The following COBL variants were observed in gnomAD, a reference collection of about 807,000 sequenced individuals.
The protein encoded by COBL is cordon-bleu WH2 repeat protein.
A neutral mutation model predicts 98.8 loss-of-function variants in COBL; 51 were observed. The ratio of observed to expected loss-of-function variants is 0.52; its 90% confidence interval spans 0.41 to 0.65. COBL has a LOEUF of 0.65. Ranked by LOEUF, COBL falls within the 30% of genes least tolerant of loss-of-function variation. The pLI, the probability that COBL is intolerant of heterozygous loss-of-function variation, is 0.00. For synonymous variants in COBL, 634 were observed against 651.7 expected (o/e 0.97, Z 0.41); for missense variants, 1,617 against 1,617.5 (o/e 1.00, Z 0.01).
At position 51,023,316 on chromosome 7, in the gene COBL, C is replaced by A. The variant is rs181082555; in HGVS notation, c.3768+1793G>T. 4.8e-3 allele frequency among the ~76,000 whole-genome samples: 732 copies of A among 152,068 alleles called. 1 individual carries two copies. Among genetic ancestry groups the A allele is most frequent in the Non-Finnish European group, 8.6e-3 (585 of 68,028 alleles). On this transcript the variant is annotated intron_variant, in intron 12 of 12. Transcript: ENST00000265136. The stretch of plus-strand genomic sequence containing the variant: ...AAGAGCCTTAAGTAATTTCTAATTG[C>A]CCCTATCCTGAGGAGATGGCATAAA...
At chr7:51,229,251 G>A (rs1042760008) in intron 1 of COBL, among the ~76,000 whole-genome samples, 3 of 152,228 alleles carry the variant, frequency 2.0e-5, no homozygotes, top group East Asian at 1.9e-4. Context: ...TGTGCCACCC[G>A]ATGCAGCTTT....
chr7:51,161,815 T>C (rs1786848559), intron 5 of COBL, among the ~76,000 whole-genome samples: 1 of 151,796 alleles, frequency 6.6e-6, no homozygotes, highest in Non-Finnish European at 1.5e-5. Context: ...GCCAGTTACT[T>C]TCAAAAGTTC....
intron 6 of COBL, among the ~76,000 whole-genome samples, chr7:51,129,585 A>G (rs1227195525): frequency 6.6e-6 from 1 of 152,108 alleles, no homozygotes; most frequent in Non-Finnish European, 1.5e-5. Flanking sequence ...TGTGTCAGGG[A>G]ACACAGAATT....
At position 51,028,830 on chromosome 7, in the gene COBL, C is replaced by G; in HGVS notation, c.2266G>C (p.Val756Leu). 6.2e-7 allele frequency: 1 copy of G among 1,614,250 alleles called. No individual in the cohort carries two copies. The highest frequency in any genetic ancestry group is 8.5e-7 in the Non-Finnish European group (1 of 1,180,050). The change falls in exon 10 of 13, where the codon GTG (valine) becomes CTG (leucine). Residue 756 changes from valine (V) to leucine (L), a missense_variant. This residue lies in a region of COBL where 1,304 missense variants were observed against 1,282.0 expected (regional missense o/e 1.02). Coordinates refer to ENST00000265136, the MANE Select transcript of COBL (RefSeq NM_015198.5). ...GIRIISLSSSVPEAESQPIGK... is the reference protein window; with the variant it reads ...GIRIISLSSSLPEAESQPIGK... ...ATGGGCTGAGATTCTGCTTCAGGCA[C>G]AGACGAAGACAGGGAAATGATCCTG...
intron 6 of COBL, among the ~76,000 whole-genome samples, chr7:51,092,210 C>T (rs1398776122): frequency 3.3e-5 from 5 of 152,178 alleles, no homozygotes; most frequent in African/African-American, 4.8e-5. Flanking sequence ...AGTTTTATCC[C>T]GAAACCATCC....
At chr7:51,097,190 A>C (rs1795342528) in intron 6 of COBL, among the ~76,000 whole-genome samples, 1 of 152,238 alleles carries the variant, frequency 6.6e-6, no homozygotes, top group South Asian at 2.1e-4. Flanking sequence ...CAATATAAAA[A>C]CATCAATCAA....
intron 1 of COBL, among the ~76,000 whole-genome samples, chr7:51,313,351 G>A (rs186483169): frequency 6.6e-6 from 1 of 152,014 alleles, no homozygotes; most frequent in Non-Finnish European, 1.5e-5. Flanking sequence ...TACTATGTGC[G>A]GCACCGACAG....
intron 6 of COBL, among the ~76,000 whole-genome samples, chr7:51,101,587 A>G (rs1172472868): frequency 1.3e-5 from 2 of 152,208 alleles, no homozygotes; most frequent in African/African-American, 4.8e-5. Context: ...TAGGTCAGGA[A>G]GAAATAACTG....
At chr7:51,307,395 G>A (rs139483556) in intron 1 of COBL, among the ~76,000 whole-genome samples, 1 of 129,242 alleles carries the variant, frequency 7.7e-6, no homozygotes, top group Non-Finnish European at 1.8e-5. Flanking sequence ...GGAGAGGACA[G>A]TACTGTCCTA....
chr7:51,040,287 A>C (rs1458046709), intron 8 of COBL, among the ~76,000 whole-genome samples: 1 of 151,762 alleles, frequency 6.6e-6, no homozygotes, highest in African/African-American at 2.4e-5. Flanking sequence ...CACACACACA[A>C]AACTATAGTA....
At chr7:51,173,176 T>C (rs1319036563) in intron 5 of COBL, among the ~76,000 whole-genome samples, 6 of 145,498 alleles carry the variant, frequency 4.1e-5, no homozygotes, top group African/African-American at 1.5e-4. Context: ...GACTTCAAAG[T>C]TTTTTGTTTT....
intron 6 of COBL, among the ~76,000 whole-genome samples, chr7:51,124,333 A>T (rs55875604): frequency 0.016 from 2,427 of 152,244 alleles, 71 homozygotes; most frequent in African/African-American, 0.055. Flanking sequence ...TTCATTAGCA[A>T]TTGGAGATTA....
intron 2 of COBL, among the ~76,000 whole-genome samples, chr7:51,209,066 A>AAAAC (rs1792141972): frequency 7.6e-6 from 1 of 131,304 alleles, no homozygotes; most frequent in Non-Finnish European, 1.6e-5. Flanking sequence ...AAAAAAAAAA[A>AAAAC]AAAAAACATT....
chr7:51,265,984 A>C (rs1798165655), intron 1 of COBL, among the ~76,000 whole-genome samples: 1 of 152,162 alleles, frequency 6.6e-6, no homozygotes, highest in Admixed American at 6.5e-5. Flanking sequence ...TTCAATTCAC[A>C]ATTCCTTTCA....
At chr7:51,187,331 T>TATATATATATATAC (rs1554421096) in intron 4 of COBL, among the ~76,000 whole-genome samples, 2 of 101,454 alleles carry the variant, frequency 2.0e-5, no homozygotes, top group South Asian at 5.9e-4. Flanking sequence ...TATATATATA[T>TATATATATATATAC]ACACACACAC....
At chr7:51,127,966 C>T (rs1451949199) in intron 6 of COBL, among the ~76,000 whole-genome samples, 1 of 152,172 alleles carries the variant, frequency 6.6e-6, no homozygotes, top group Non-Finnish European at 1.5e-5. Flanking sequence ...TTATTCAGTT[C>T]ACAGTGGAGG....
At chr7:51,116,471 A>G (rs758962194) in intron 6 of COBL, among the ~76,000 whole-genome samples, 30 of 152,154 alleles carry the variant, frequency 2.0e-4, no homozygotes, top group Non-Finnish European at 3.8e-4. Flanking sequence ...GCTTTATGCT[A>G]TAGTTGTCTT....
Position 51,131,077 on chromosome 7 carries a change from T to C in COBL, c.957+5081A>G, listed in dbSNP as rs1798692143. Among the ~76,000 whole-genome samples, 5 of 152,170 alleles carry C rather than the reference T, an allele frequency of 3.3e-5. No homozygotes were observed. The South Asian group carries it at 1.0e-3, about 31-fold the overall frequency. On this transcript the variant is annotated intron_variant, in intron 6 of 12. Transcript: ENST00000265136. Reference sequence around the variant, plus strand: ...ATAACTGATCATAACACAGCCTCCATCATCACTTATTTTAATGGCCAACCA... The same window carrying C: ...ATAACTGATCATAACACAGCCTCCACCATCACTTATTTTAATGGCCAACCA...
chr7:51,200,608 C>A (rs576548975), intron 2 of COBL, among the ~76,000 whole-genome samples: 1 of 152,068 alleles, frequency 6.6e-6, no homozygotes, highest in African/African-American at 2.4e-5. Context: ...GGTAACCACA[C>A]ACAAATACAC....
Sources: allele counts gnomAD v4.1 joint callset (sites outside exome capture counted in the v4.1 genomes callset), GRCh38; gene constraint gnomAD v4.1.1; regional missense constraint gnomAD v4.1.1; transcripts MANE v1.5; gene names NCBI Gene and HGNC (gene_info 2026-07-23, HGNC 2026-07-21).